SSBP2: variants seen among roughly 807,000 people sequenced by gnomAD.
The protein encoded by SSBP2 is single-stranded DNA-binding protein 2.
SSBP2 carries 17 observed loss-of-function variants against 61.8 expected under a neutral mutation model. The observed-to-expected ratio is 0.28, with a 90% CI of 0.19 to 0.41. The LOEUF is 0.41. SSBP2 is among the 10% of genes least tolerant of loss of function. The pLI, the probability that SSBP2 is intolerant of heterozygous loss-of-function variation, is 1.00. For missense variants in SSBP2, 310 were observed against 458.7 expected (o/e 0.68, Z 2.96); for synonymous variants, 139 against 141.3 (o/e 0.98, Z 0.12).
At chr5:81,555,961 G>A (rs1236367782) in intron 4 of SSBP2, among the ~76,000 whole-genome samples, 1 of 152,002 alleles carries the variant, frequency 6.6e-6, no homozygotes, top group East Asian at 1.9e-4. Context: ...GGCTTTGCAG[G>A]CCTTATAGTC....
chr5:81,459,027 A>G (rs989498974), intron 10 of SSBP2, among the ~76,000 whole-genome samples: 6 of 152,164 alleles, frequency 3.9e-5, no homozygotes, highest in Admixed American at 2.6e-4. Flanking sequence ...TTCATCGAGG[A>G]GACTGCTTTC....
chr5:81,610,048 C>T (rs1027945665), intron 4 of SSBP2, among the ~76,000 whole-genome samples: 5 of 152,124 alleles, frequency 3.3e-5, no homozygotes, highest in African/African-American at 7.2e-5. Flanking sequence ...TTCTTGGATG[C>T]GGGACAAGAA....
intron 1 of SSBP2, among the ~76,000 whole-genome samples, chr5:81,703,718 TTAAAAGAGAAA>T (rs1194924026): frequency 6.6e-5 from 10 of 152,340 alleles, no homozygotes; most frequent in Middle Eastern, 6.8e-3. Flanking sequence ...ATGATTTCCC[TTAAAAGAGAAA>T]TGCCAAAAAC....
At chr5:81,549,308 T>C (rs1771996565) in intron 4 of SSBP2, among the ~76,000 whole-genome samples, 2 of 152,188 alleles carry the variant, frequency 1.3e-5, no homozygotes, top group Non-Finnish European at 2.9e-5. Context: ...TCTGACAATG[T>C]TGCATCATAC....
At chr5:81,525,131 C>T (rs773570570) in intron 4 of SSBP2, among the ~76,000 whole-genome samples, 3 of 151,944 alleles carry the variant, frequency 2.0e-5, no homozygotes, top group Non-Finnish European at 4.4e-5. Context: ...TTCCCTGACT[C>T]GGTTCCCATC....
At chr5:81,484,640 C>G (rs1432473074) in intron 6 of SSBP2, among the ~76,000 whole-genome samples, 3 of 152,060 alleles carry the variant, frequency 2.0e-5, no homozygotes, top group Admixed American at 1.3e-4. Context: ...AAAGAGGCTA[C>G]TTTATGCTTT....
intron 16 of SSBP2, among the ~76,000 whole-genome samples, chr5:81,428,110 G>A (rs1278750474): frequency 2.6e-5 from 4 of 152,124 alleles, no homozygotes; most frequent in African/African-American, 9.7e-5. Flanking sequence ...GAACTTTTGT[G>A]TAACAGTACA....
chr5:81,517,370 GTT>G (rs199949045), intron 4 of SSBP2, among the ~76,000 whole-genome samples: 10 of 122,044 alleles, frequency 8.2e-5, no homozygotes, highest in South Asian at 2.8e-4. Flanking sequence ...TAAATTTCAA[GTT>G]TTTTTTTTTT....
chr5:81,598,731 A>C (rs1324319010), intron 4 of SSBP2, among the ~76,000 whole-genome samples: 2 of 152,150 alleles, frequency 1.3e-5, no homozygotes, highest in Non-Finnish European at 2.9e-5. Context: ...TTGGGTCCTC[A>C]AATCCTCTCT....
chr5:81,499,158 A>C lies in SSBP2; in HGVS notation c.373-9849T>G, dbSNP rs147995150. On this transcript the variant is annotated intron_variant, in intron 5 of 16. Coordinates refer to ENST00000320672, the MANE Select transcript of SSBP2 (RefSeq NM_012446.5). Reference sequence around the variant, plus strand: ...ACTTATGCTGGCATATTCTGCTGATAAGCATAAGTATGCAGTTTATCTCCC... The same window carrying C: ...ACTTATGCTGGCATATTCTGCTGATCAGCATAAGTATGCAGTTTATCTCCC... Among the ~76,000 whole-genome samples the C allele has an allele frequency of 2.9e-3, 449 of 152,310 alleles. 2 individuals carry two copies. Among genetic ancestry groups the C allele is most frequent in the African/African-American group, 0.011 (440 of 41,568 alleles).
chr5:81,738,738 G>A (rs953683764), intron 1 of SSBP2, among the ~76,000 whole-genome samples: 10 of 152,090 alleles, frequency 6.6e-5, no homozygotes, highest in Admixed American at 5.9e-4. Flanking sequence ...AAATGATGAC[G>A]CTATAAGCAT....
rs113025000 is a variant in SSBP2 at position 81,672,899 on chromosome 5, C to T, written c.63-22560G>A. ...TCTTTTTTTTTTTTTTAAACAGTCT[C>T]GTGCTATCCCTCAGGCAACCTCTGC... On this transcript the variant is annotated intron_variant, in intron 1 of 16. Transcript: ENST00000320672. Among the ~76,000 whole-genome samples the T allele has an allele frequency of 3.3e-5, 5 of 149,960 alleles. 1 individual carries two copies. The highest frequency in any genetic ancestry group is 3.9e-4 in the East Asian group (2 of 5,094).
At chr5:81,659,664 C>T (rs1383203302) in intron 1 of SSBP2, among the ~76,000 whole-genome samples, 1 of 152,116 alleles carries the variant, frequency 6.6e-6, no homozygotes, top group East Asian at 1.9e-4. Flanking sequence ...AAAAAAACTA[C>T]TTTAAATTTT....
At chr5:81,683,069 T>A (rs922270854) in intron 1 of SSBP2, among the ~76,000 whole-genome samples, 1 of 151,242 alleles carries the variant, frequency 6.6e-6, no homozygotes, top group African/African-American at 2.4e-5. Context: ...CTCAATATCA[T>A]CAAGATGTCA....
intron 2 of SSBP2, 82 bp from the exon 3 acceptor site, chr5:81,636,700 A>G: frequency 9.6e-7 from 1 of 1,036,576 alleles, no homozygotes; most frequent in Non-Finnish European, 1.4e-6. Context: ...CCCCATTTAA[A>G]ATACTATAGT....
intron 4 of SSBP2, among the ~76,000 whole-genome samples, chr5:81,571,903 A>G (rs188955165): frequency 1.2e-4 from 19 of 152,264 alleles, no homozygotes; most frequent in African/African-American, 4.6e-4. Context: ...TTAAATAACC[A>G]TGGAAATCCA....
chr5:81,632,993 TCA>T (rs1442902560), intron 3 of SSBP2, among the ~76,000 whole-genome samples: 1 of 152,086 alleles, frequency 6.6e-6, no homozygotes, highest in Non-Finnish European at 1.5e-5. Flanking sequence ...TACCTTGCAG[TCA>T]CAGTTGTCAC....
chr5:81,453,287 A>G (rs190670980), intron 10 of SSBP2, among the ~76,000 whole-genome samples: 57 of 152,202 alleles, frequency 3.7e-4, no homozygotes, highest in South Asian at 2.5e-3. Flanking sequence ...AGCCTGGGCA[A>G]CAGAGTGAGA....
At chr5:81,475,438 T>C (rs1765522352) in intron 6 of SSBP2, among the ~76,000 whole-genome samples, 1 of 152,154 alleles carries the variant, frequency 6.6e-6, no homozygotes, top group Non-Finnish European at 1.5e-5. Context: ...AGTAGGTAGC[T>C]TCCATTTCCC....
Sources: gnomAD v4.1 joint callset for allele counts (sites outside exome capture counted in the v4.1 genomes callset) on GRCh38, gnomAD v4.1.1 for gene constraint, MANE v1.5 for transcripts, NCBI Gene and HGNC (gene_info 2026-07-23, HGNC 2026-07-21) for gene names.